LPIN1: variants seen among roughly 807,000 people sequenced by gnomAD.
The protein encoded by LPIN1 is lipin 1.
LPIN1 carries 71 observed loss-of-function variants against 107.5 expected under a neutral mutation model. The observed-to-expected ratio is 0.66, with a 90% CI of 0.55 to 0.80. The LOEUF is 0.80. Among genes scored for constraint, LPIN1 ranks in the 30% least tolerant of loss-of-function variants. The pLI is 0.00. For missense variants in LPIN1, 1,043 were observed against 1,160.6 expected, an observed-to-expected ratio of 0.90 and a Z score of 1.47; for synonymous variants, 445 against 452.6, an observed-to-expected ratio of 0.98 and a Z score of 0.21.
intron 13 of LPIN1, among the ~76,000 whole-genome samples, chr2:11,794,816 C>G (rs543145703): frequency 2.6e-5 from 4 of 152,248 alleles, no homozygotes; most frequent in African/African-American, 9.6e-5. Context: ...GAGAATTTCA[C>G]CCGTTTCACA....
At chr2:11,677,849 A>G in intron 1 of LPIN1, 2 of 863,714 alleles carry the variant, frequency 2.3e-6, no homozygotes, top group Non-Finnish European at 3.6e-6. Context: ...CTTGTTCGGG[A>G]TGGGTTTGTG....
intron 8 of LPIN1, among the ~76,000 whole-genome samples, chr2:11,783,251 T>A (rs74427042): frequency 6.6e-6 from 1 of 152,346 alleles, no homozygotes; most frequent in Non-Finnish European, 1.5e-5. Flanking sequence ...ATGCTTTGCC[T>A]CGGGGTATTG....
intron 1 of LPIN1, among the ~76,000 whole-genome samples, chr2:11,754,976 A>ATT (rs1216469676): frequency 1.2e-4 from 17 of 138,946 alleles, no homozygotes; most frequent in East Asian, 2.1e-4. Context: ...ATTTCTTCTA[A>ATT]TTTTTTTTTT....
At chr2:11,758,754 T>C (rs193051526) in intron 1 of LPIN1, among the ~76,000 whole-genome samples, 10 of 152,374 alleles carry the variant, frequency 6.6e-5, no homozygotes, top group Admixed American at 6.5e-4. Flanking sequence ...TCTGATTCTT[T>C]GCGGTAGGAA....
At chr2:11,807,146 C>T (rs373723680) in intron 17 of LPIN1, among the ~76,000 whole-genome samples, 2 of 152,152 alleles carry the variant, frequency 1.3e-5, no homozygotes, top group South Asian at 2.1e-4. Flanking sequence ...AGGGAAGTCC[C>T]GCTGTAAAGT....
At chr2:11,782,972 GCTGT>G (rs1431532193) in intron 8 of LPIN1, among the ~76,000 whole-genome samples, 2 of 152,128 alleles carry the variant, frequency 1.3e-5, no homozygotes, top group Non-Finnish European at 2.9e-5. Context: ...TAGAATATGT[GCTGT>G]CTGAGATCAA....
chr2:11,723,804 A>G (rs1009967784), upstream of LPIN1: 37 of 152,226 alleles, frequency 2.4e-4, no homozygotes, highest in African/African-American at 8.0e-4. Flanking sequence ...CTGTTGAATA[A>G]CTTTCCATTT....
chr2:11,710,613 C>T (rs565007859), intron 1 of LPIN1, among the ~76,000 whole-genome samples: 19 of 152,316 alleles, frequency 1.2e-4, no homozygotes, highest in African/African-American at 4.6e-4. Context: ...TTACTGTTTT[C>T]ACAGTATTCT....
intron 2 of LPIN1, among the ~76,000 whole-genome samples, chr2:11,715,647 G>A (rs1348295465): frequency 1.3e-5 from 2 of 152,188 alleles, no homozygotes; most frequent in Admixed American, 6.5e-5. Flanking sequence ...ATCAGCTTGT[G>A]TGGGTGGGGG....
intron 12 of LPIN1, among the ~76,000 whole-genome samples, chr2:11,789,440 A>G (rs1305012775): frequency 6.7e-6 from 1 of 149,624 alleles, no homozygotes; most frequent in African/African-American, 2.5e-5. Context: ...GCGTGTGTGT[A>G]TGTGCATGTG....
At chr2:11,790,872 G>A (rs1675601413) in intron 12 of LPIN1, among the ~76,000 whole-genome samples, 1 of 152,130 alleles carries the variant, frequency 6.6e-6, no homozygotes, top group South Asian at 2.1e-4. Flanking sequence ...TTCTGCCTGA[G>A]AATTTTCTGG....
At chr2:11,746,916 C>G (rs897374660) in intron 1 of LPIN1, among the ~76,000 whole-genome samples, 3 of 152,200 alleles carry the variant, frequency 2.0e-5, no homozygotes, top group African/African-American at 7.2e-5. Context: ...TCGGGCCTGG[C>G]TTTCCTGACG....
At chr2:11,795,581 A>G (rs1330328961) in intron 14 of LPIN1, 94 bp downstream of exon 14, 2 of 1,131,900 alleles carry the variant, frequency 1.8e-6, no homozygotes, top group Non-Finnish European at 2.7e-6. Context: ...TTCACCACAC[A>G]GTTCCAACTC....
intron 17 of LPIN1, among the ~76,000 whole-genome samples, chr2:11,809,740 G>A (rs1192501225): frequency 6.6e-6 from 1 of 152,054 alleles, no homozygotes; most frequent in Non-Finnish European, 1.5e-5. Context: ...TTTCCTGCCC[G>A]CAGCAGTTAT....
At chr2:11,775,295 T>G (rs939389009) in intron 5 of LPIN1, among the ~76,000 whole-genome samples, 1 of 152,146 alleles carries the variant, frequency 6.6e-6, no homozygotes, top group African/African-American at 2.4e-5. Context: ...AAAATAGTGG[T>G]TTAGGAGGAA....
chr2:11,782,695 T>C (rs1673786087), intron 8 of LPIN1, among the ~76,000 whole-genome samples, 188 bp downstream of exon 8: 1 of 152,208 alleles, frequency 6.6e-6, no homozygotes. Flanking sequence ...AAATCAGACA[T>C]GAAGAAGGCC....
In LPIN1 at chr2:11,805,159, G is replaced by A; in HGVS notation, c.2249+3G>A. The A allele has an allele frequency of 6.2e-7, 1 of 1,610,482 alleles. No homozygotes were observed. Among genetic ancestry groups the A allele is most frequent in the Non-Finnish European group, 8.5e-7 (1 of 1,176,626 alleles). ...AAGCTGTACCATAAAGTGAGCCAGTGAGTACAGAGTTCCTGTTTCCCGCCT... is the reference window on the plus strand; with the variant it reads ...AAGCTGTACCATAAAGTGAGCCAGTAAGTACAGAGTTCCTGTTTCCCGCCT... On this transcript the variant is annotated splice_donor_region_variant and intron_variant, in intron 17 of 20. Transcript: ENST00000674199.
At chr2:11,759,407 G>A (rs1263135971) in intron 1 of LPIN1, among the ~76,000 whole-genome samples, 1 of 151,946 alleles carries the variant, frequency 6.6e-6, no homozygotes, top group Non-Finnish European at 1.5e-5. Flanking sequence ...CTGCCTTCAA[G>A]CATCTGTTTA....
At chr2:11,766,313 C>T (rs559005521) in intron 2 of LPIN1, among the ~76,000 whole-genome samples, 1 of 151,822 alleles carries the variant, frequency 6.6e-6, no homozygotes, top group East Asian at 1.9e-4. Flanking sequence ...TGCCTGGGCT[C>T]AAGGGGAGGA....
Sources: gnomAD v4.1 joint callset for allele counts (sites outside exome capture counted in the v4.1 genomes callset) on GRCh38, gnomAD v4.1.1 for gene constraint, MANE v1.5 for transcripts, NCBI Gene and HGNC (gene_info 2026-07-23, HGNC 2026-07-21) for gene names.